Variants in PRDM16 observed in about 807,000 individuals in gnomAD.
PRDM16 encodes the protein PR/SET domain 16, also known as histone-lysine N-methyltransferase PRDM16.
PRDM16 carries 23 observed loss-of-function variants against 110.6 expected under a neutral mutation model. The observed-to-expected ratio is 0.21, with a 90% CI of 0.15 to 0.29. The LOEUF is 0.29. PRDM16 is among the 10% of genes least tolerant of loss of function. The pLI, the probability that PRDM16 is intolerant of heterozygous loss-of-function variation, is 1.00. For missense variants in PRDM16, 1,615 were observed against 1,794.3 expected, an observed-to-expected ratio of 0.90 and a Z score of 1.81; for synonymous variants, 799 against 781.8, an observed-to-expected ratio of 1.02 and a Z score of -0.37.
chr1:3,147,543 A>G (rs746356006), intron 1 of PRDM16, among the ~76,000 whole-genome samples: 2 of 152,092 alleles, frequency 1.3e-5, no homozygotes, highest in Non-Finnish European at 2.9e-5. Context: ...TGGGATCTCC[A>G]GTGTCTGGAA....
intron 1 of PRDM16, among the ~76,000 whole-genome samples, chr1:3,155,560 C>T (rs766765649): frequency 4.6e-5 from 7 of 152,248 alleles, no homozygotes; most frequent in African/African-American, 1.4e-4. Context: ...TCCTTCCTCC[C>T]GATACAGCAG....
intron 3 of PRDM16, among the ~76,000 whole-genome samples, chr1:3,247,185 G>A (rs1370944006): frequency 6.6e-6 from 1 of 152,152 alleles, no homozygotes. Flanking sequence ...CAACTCCTGT[G>A]TCTGGCTTCA....
intron 1 of PRDM16, among the ~76,000 whole-genome samples, chr1:3,149,423 T>C (rs1643736519): frequency 6.6e-6 from 1 of 152,080 alleles, no homozygotes; most frequent in African/African-American, 2.4e-5. Context: ...GGACCCCCAC[T>C]ATGAGGTCTA....
intron 3 of PRDM16, among the ~76,000 whole-genome samples, chr1:3,369,555 G>A (rs758549419): frequency 3.9e-5 from 6 of 152,220 alleles, no homozygotes; most frequent in African/African-American, 7.2e-5. Flanking sequence ...GGGCTGATTC[G>A]TTCCAGTTCA....
In PRDM16 at chr1:3,434,558, G is replaced by A. The variant is rs1024625262; in HGVS notation, c.*747G>A. Reference sequence around the variant, plus strand: ...GGCCACACCCGTGAACCATGCAGACGGCCGAAGAAGTCTTAGGCAGGGCGC... The same window carrying A: ...GGCCACACCCGTGAACCATGCAGACAGCCGAAGAAGTCTTAGGCAGGGCGC... On this transcript the variant is annotated 3_prime_UTR_variant, in exon 17 of 17. Coordinates refer to ENST00000270722, the MANE Select transcript of PRDM16 (RefSeq NM_022114.4). 4 of 231,652 alleles carry A rather than the reference G, an allele frequency of 1.7e-5. No homozygotes were observed. The highest frequency in any genetic ancestry group is 6.6e-5 in the African/African-American group (3 of 45,250). The allele number at this position is 231,652 out of a possible 1,614,324, so 14.3% of individuals were successfully genotyped here.
intron 3 of PRDM16, among the ~76,000 whole-genome samples, chr1:3,316,821 C>T (rs1557602936): frequency 6.6e-6 from 1 of 152,070 alleles, no homozygotes; most frequent in Non-Finnish European, 1.5e-5. Context: ...ACAGGGTAGA[C>T]AGGAAACAGT....
At position 3,436,942 on chromosome 1, in the gene PRDM16, G is replaced by C. The variant is rs990310273; in HGVS notation, c.*3131G>C. 8.7e-6 allele frequency: 2 copies of C among 230,222 alleles called. No individual in the cohort carries two copies. The highest frequency in any genetic ancestry group is 6.1e-5 in the East Asian group (1 of 16,310). 14.3% of individuals were successfully genotyped at this position (230,222 alleles called of 1,614,324 possible). A position where few individuals can be genotyped will look rare whatever the true frequency, so the allele number is the denominator to read the frequency against. On this transcript the variant is annotated 3_prime_UTR_variant, in exon 17 of 17. Coordinates refer to ENST00000270722, the MANE Select transcript of PRDM16 (RefSeq NM_022114.4). The stretch of plus-strand genomic sequence containing the variant: ...TGGAAATTCCGAAGGAGGCCTCCTC[G>C]CACCTGCCCTCCGCTGCTCCTCAGA...
At chr1:3,342,542 C>G (rs1642291793) in intron 3 of PRDM16, among the ~76,000 whole-genome samples, 1 of 152,180 alleles carries the variant, frequency 6.6e-6, no homozygotes, top group African/African-American at 2.4e-5. Context: ...TATACGGTAG[C>G]CTATACGTAC....
chr1:3,146,141 C>T (rs1643646880), intron 1 of PRDM16, among the ~76,000 whole-genome samples: 1 of 152,232 alleles, frequency 6.6e-6, no homozygotes. Flanking sequence ...GCACTGCAGA[C>T]TCTCCAGCCC....
intron 3 of PRDM16, among the ~76,000 whole-genome samples, chr1:3,310,874 TG>T (rs1312306563): frequency 6.6e-6 from 1 of 151,404 alleles, no homozygotes; most frequent in East Asian, 2.0e-4. Context: ...TGTGCATGTG[TG>T]GGCATGCGTG....
At chr1:3,228,985 T>A (rs921706081) in intron 2 of PRDM16, among the ~76,000 whole-genome samples, 1 of 152,210 alleles carries the variant, frequency 6.6e-6, no homozygotes, top group Non-Finnish European at 1.5e-5. Flanking sequence ...GCCCTAAGAA[T>A]AAAGTTTAAG....
chr1:3,076,778 T>C (rs977497967), intron 1 of PRDM16, among the ~76,000 whole-genome samples: 1 of 152,206 alleles, frequency 6.6e-6, no homozygotes, highest in Non-Finnish European at 1.5e-5. Context: ...TTGGGCACAC[T>C]AAGGACTATT....
In PRDM16 at chr1:3,370,952, A is replaced by G. The variant is rs1642894596; in HGVS notation, c.439-14200A>G. On this transcript the variant is annotated intron_variant, in intron 3 of 16. Coordinates refer to ENST00000270722, the MANE Select transcript of PRDM16 (RefSeq NM_022114.4). The surrounding 1 kb of genome is among the most constrained non-coding windows in gnomAD (Gnocchi z 4.8). ...GAATAATCCACCCATTCATCCATTC[A>G]CCATCCATCGATTCATCCATTTGTC... Among the ~76,000 whole-genome samples, 1 of 149,274 alleles carries G rather than the reference A, an allele frequency of 6.7e-6. No homozygotes were observed. The highest frequency in any genetic ancestry group is 2.5e-5 in the African/African-American group (1 of 40,044).
At chr1:3,413,840 A>G (rs573729522) in intron 9 of PRDM16, among the ~76,000 whole-genome samples, 194 of 152,302 alleles carry the variant, frequency 1.3e-3, no homozygotes, top group Non-Finnish European at 1.9e-3. Flanking sequence ...TGTTTACCAC[A>G]GGAGGTTTGC....
chr1:3,414,097 C>T (rs1274323911), intron 9 of PRDM16, among the ~76,000 whole-genome samples: 1 of 152,210 alleles, frequency 6.6e-6, no homozygotes, highest in Non-Finnish European at 1.5e-5. Flanking sequence ...GTGTGAGCCA[C>T]GCTCTGCTGT....
chr1:3,302,786 G>A (rs1641234045), intron 3 of PRDM16, among the ~76,000 whole-genome samples: 1 of 152,146 alleles, frequency 6.6e-6, no homozygotes. Context: ...AGAACACCTG[G>A]TCACAGTGCG....
At chr1:3,389,611 G>A (rs1432190379) in intron 4 of PRDM16, among the ~76,000 whole-genome samples, 1 of 152,208 alleles carries the variant, frequency 6.6e-6, no homozygotes, top group Non-Finnish European at 1.5e-5. Flanking sequence ...CCTGGGCCCG[G>A]CCCTGTTGCC....
intron 1 of PRDM16, among the ~76,000 whole-genome samples, chr1:3,182,431 C>T (rs575568907): frequency 9.6e-4 from 146 of 152,300 alleles, no homozygotes; most frequent in African/African-American, 3.3e-3. Context: ...GATCTGTGGC[C>T]TCTTCTCTCG....
At chr1:3,388,798 G>A (rs1643245326) in intron 4 of PRDM16, among the ~76,000 whole-genome samples, 1 of 152,320 alleles carries the variant, frequency 6.6e-6, no homozygotes, top group Middle Eastern at 3.4e-3. Flanking sequence ...TTGGAGGCGG[G>A]GGAGTCACAC....
Sources: allele counts gnomAD v4.1 joint callset (sites outside exome capture counted in the v4.1 genomes callset), GRCh38; gene constraint gnomAD v4.1.1; non-coding constraint Gnocchi (gnomAD v3.1); transcripts MANE v1.5; gene names NCBI Gene and HGNC (gene_info 2026-07-23, HGNC 2026-07-21).